The following MMS19 variants were observed in gnomAD, a reference collection of about 807,000 sequenced individuals.
MMS19 encodes the protein MMS19 cytosolic iron-sulfur assembly component, also known as MMS19 nucleotide excision repair protein homolog.
Under a neutral mutation model 129.8 loss-of-function variants are expected in MMS19, and 77 were observed. That is an observed-to-expected ratio of 0.59 (90% confidence interval 0.49 to 0.72). The LOEUF is 0.72. Ranked by LOEUF, MMS19 falls within the 30% of genes least tolerant of loss-of-function variation. The pLI is 0.00. For missense variants in MMS19, 1,168 were observed against 1,266.3 expected, an observed-to-expected ratio of 0.92 and a Z score of 1.18; for synonymous variants, 491 against 502.8, an observed-to-expected ratio of 0.98 and a Z score of 0.31.
chr10:97,489,528 G>T (rs1384458620), intron 1 of MMS19, among the ~76,000 whole-genome samples: 1 of 152,228 alleles, frequency 6.6e-6, no homozygotes, highest in Non-Finnish European at 1.5e-5. Flanking sequence ...GTGAAACTAT[G>T]TACGAGTGTC....
Position 97,468,243 on chromosome 10 carries a change from C to T in MMS19, c.1218+9G>A. 6.5e-7 allele frequency: 1 copy of T among 1,537,686 alleles called. No homozygotes were observed. The highest frequency in any genetic ancestry group is 8.8e-7 in the Non-Finnish European group (1 of 1,135,372). ...CCCATCATTTCCCCCAAAGATTCTG[C>T]TCCCTTACCTGACTGTGCTTGTGGA... On this transcript the variant is annotated intron_variant, in intron 13 of 30. Coordinates refer to ENST00000438925, the MANE Select transcript of MMS19 (RefSeq NM_022362.5).
At position 97,460,123 on chromosome 10, in the gene MMS19, A is replaced by G. The variant is rs1328760489; in HGVS notation, c.2579T>C (p.Val860Ala). 19 of 1,613,952 alleles carry G rather than the reference A, an allele frequency of 1.2e-5. No homozygotes were observed. Among genetic ancestry groups the G allele is most frequent in the Admixed American group, 3.3e-5 (2 of 60,008 alleles). ...DVLTRAGHAE[V>A]RIMFRQRFFT... ...GAACCGCTGGCGGAACATGATCCGC[A>G]CTTCGGCATGGCCAGCACGAGTCAG... Residue 860 changes from valine (V) to alanine (A), a missense_variant, in exon 26 of 31, where the codon GTG becomes GCG. Val to Ala is a moderately conservative substitution (Grantham distance 64, BLOSUM62 0). Transcript: ENST00000438925.
In MMS19 at chr10:97,470,697, T is replaced by C. The variant is rs3750559; in HGVS notation, c.771+78A>G. The C allele has an allele frequency of 6.4e-5, 57 of 891,902 alleles. No individual in the cohort carries two copies. In the East Asian group the frequency reaches 1.4e-3, roughly 22 times the overall value. The allele number at this position is 891,902 out of a possible 1,614,324, so 55.2% of individuals were successfully genotyped here. Reference sequence around the variant, plus strand: ...CCTAAAATGTATACCAGATATTTTTTTCTCCATGCTTTTACTGCTCTTTCT... The same window carrying C: ...CCTAAAATGTATACCAGATATTTTTCTCTCCATGCTTTTACTGCTCTTTCT... On this transcript the variant is annotated intron_variant, in intron 9 of 30. Coordinates refer to ENST00000438925, the MANE Select transcript of MMS19 (RefSeq NM_022362.5).
At chr10:97,462,497 C>T in intron 20 of MMS19, 86 bp downstream of exon 20, 1 of 926,356 alleles carries the variant, frequency 1.1e-6, no homozygotes, top group South Asian at 1.4e-5. Context: ...GGTAAAAGGA[C>T]AGCTGACAAG....
intron 23 of MMS19, 56 bp downstream of exon 23, chr10:97,461,433 GAGCTATA>G: frequency 6.4e-7 from 1 of 1,562,366 alleles, no homozygotes; most frequent in Non-Finnish European, 8.7e-7. Context: ...AATGAGTACT[GAGCTATA>G]AGATTTCATG....
intron 1 of MMS19, among the ~76,000 whole-genome samples, chr10:97,492,164 A>G (rs2039014221): frequency 6.7e-6 from 1 of 148,200 alleles, no homozygotes; most frequent in South Asian, 2.1e-4. Flanking sequence ...AAAGTATAAA[A>G]GTAGAAAAAA....
chr10:97,466,283 A>G (rs1406056408), intron 16 of MMS19, 124 bp from the exon 17 acceptor site: 3 of 821,982 alleles, frequency 3.6e-6, no homozygotes, highest in Non-Finnish European at 6.0e-6. Flanking sequence ...AGCAGAACTC[A>G]AGTACCTACA....
intron 11 of MMS19, 108 bp from the exon 12 acceptor site, chr10:97,469,212 C>A: frequency 2.2e-6 from 3 of 1,380,744 alleles, no homozygotes; most frequent in Non-Finnish European, 2.9e-6. Flanking sequence ...ACCTCTAGGA[C>A]ACAGAAATGG....
At chr10:97,498,020 A>G (rs893174498) in intron 1 of MMS19, among the ~76,000 whole-genome samples, 1 of 152,214 alleles carries the variant, frequency 6.6e-6, no homozygotes, top group Admixed American at 6.5e-5. Context: ...GCTGAGCCTC[A>G]GTTTCCTCAT....
At chr10:97,466,620 T>G (rs776596924) in intron 15 of MMS19, 35 bp from the exon 16 acceptor site, 1 of 1,589,852 alleles carries the variant, frequency 6.3e-7, no homozygotes, top group Admixed American at 1.7e-5. Context: ...CTCATCTTTC[T>G]TCCCCTGCAG....
intron 3 of MMS19, chr10:97,480,234 A>C (rs1053863851): frequency 2.2e-6 from 1 of 465,062 alleles, no homozygotes; most frequent in African/African-American, 2.0e-5. Context: ...GCTTCTGGAT[A>C]TATTACCTAG....
In MMS19 at chr10:97,484,107, G is replaced by T; in HGVS notation, c.157C>A (p.Leu53Ile). Residue 53 changes from leucine to isoleucine, a missense_variant, in exon 2 of 31, where the codon CTT (leucine) becomes ATT (isoleucine). By Grantham distance (5) the Leu-to-Ile change is conservative. Transcript: ENST00000438925. The stretch of plus-strand genomic sequence containing the variant: ...TTCTATAGCAGAGGCTCTTACCCAA[G>T]GGCTTCCACAACTTGTAACACTGTA... ...NYTVLQVVEA[L>I]GSSLENPEPR... is the part of the protein sequence containing the mutation. 1 of 1,546,276 alleles carries T rather than the reference G, an allele frequency of 6.5e-7. No individual in the cohort carries two copies. The highest frequency in any genetic ancestry group is 2.4e-5 in the East Asian group (1 of 41,934).
intron 1 of MMS19, among the ~76,000 whole-genome samples, chr10:97,487,514 T>A (rs1381240787): frequency 6.6e-6 from 1 of 151,794 alleles, no homozygotes; most frequent in Non-Finnish European, 1.5e-5. Flanking sequence ...AGAGATGGGG[T>A]TTCACCGTGT....
At chr10:97,458,750 G>T in intron 30 of MMS19, 31 bp from the exon 31 acceptor site, 1 of 1,612,992 alleles carries the variant, frequency 6.2e-7, no homozygotes, top group Non-Finnish European at 8.5e-7. Context: ...GGCAGCATTA[G>T]TGATGAGGCT....
Position 97,459,422 on chromosome 10 carries a change from C to T in MMS19, c.2844G>A (p.Met948Ile), listed in dbSNP as rs779814888. 2 of 1,608,636 alleles carry T rather than the reference C, an allele frequency of 1.2e-6. No individual in the cohort carries two copies. The highest frequency in any genetic ancestry group is 1.7e-6 in the Non-Finnish European group (2 of 1,177,622). Reference sequence around the variant, plus strand: ...TGACGAGGGTGTCCACGTGAAGACTCATGACTTGGGGTGCTTCCAGTAGAA... The same window carrying T: ...TGACGAGGGTGTCCACGTGAAGACTTATGACTTGGGGTGCTTCCAGTAGAA... ...QPLLLEAPQV[M>I]SLHVDTLVTK... The change falls in exon 28 of 31, where the codon ATG (methionine) becomes ATA (isoleucine). Residue 948 changes from methionine to isoleucine, a missense_variant. This residue lies in a region of MMS19 where 831 missense variants were observed against 910.8 expected (regional missense o/e 0.91). Transcript: ENST00000438925.
At chr10:97,478,149 G>C (rs2036113494) in intron 4 of MMS19, among the ~76,000 whole-genome samples, 155 bp downstream of exon 4, 2 of 152,202 alleles carry the variant, frequency 1.3e-5, no homozygotes, top group Non-Finnish European at 1.5e-5. Context: ...TTACTCTCTA[G>C]AGGGAAAACG....
chr10:97,466,637 C>T, intron 15 of MMS19, 52 bp from the exon 16 acceptor site: 1 of 1,579,754 alleles, frequency 6.3e-7, no homozygotes, highest in Non-Finnish European at 8.7e-7. Flanking sequence ...GCAGCCATCA[C>T]AACCCTTCTA....
At chr10:97,480,384 A>T (rs988997872) in intron 3 of MMS19, 3 of 438,572 alleles carry the variant, frequency 6.8e-6, no homozygotes, top group Admixed American at 2.6e-5. Flanking sequence ...CAAAAAAAAC[A>T]AAACAAAAAA....
Position 97,461,014 on chromosome 10 carries a change from A to T in MMS19, c.2312-7T>A. 6.5e-7 allele frequency: 1 copy of T among 1,548,116 alleles called. No individual in the cohort carries two copies. Among genetic ancestry groups the T allele is most frequent in the Non-Finnish European group, 8.7e-7 (1 of 1,143,896 alleles). The stretch of plus-strand genomic sequence containing the variant: ...AATTCATCCAGCTGCTGCCCTAAAA[A>T]GGAGAGAGGAAATGCTGACATAAAG... On this transcript the variant is annotated splice_polypyrimidine_tract_variant and splice_region_variant and intron_variant, in intron 23 of 30. Transcript: ENST00000438925.
Sources: gnomAD v4.1 joint callset for allele counts (sites outside exome capture counted in the v4.1 genomes callset) on GRCh38, gnomAD v4.1.1 for gene constraint, gnomAD v4.1.1 regional missense constraint, MANE v1.5 for transcripts, NCBI Gene and HGNC (gene_info 2026-07-23, HGNC 2026-07-21) for gene names.